Variants in KCNU1 observed in about 807,000 individuals in gnomAD.
The protein encoded by KCNU1 is potassium channel subfamily U member 1.
KCNU1 carries 93 observed loss-of-function variants against 126.8 expected under a neutral mutation model. That is an observed-to-expected ratio of 0.73 (90% CI 0.62 to 0.87). The LOEUF is 0.87. KCNU1 is among the 40% of genes least tolerant of loss of function. The pLI, the probability that KCNU1 is intolerant of heterozygous loss-of-function variation, is 0.00. For synonymous variants in KCNU1, 523 were observed against 494.2 expected, an observed-to-expected ratio of 1.06 and a Z score of -0.77; for missense variants, 1,330 against 1,367.1, an observed-to-expected ratio of 0.97 and a Z score of 0.43.
chr8:36,827,429 A>C (rs1225979771), intron 10 of KCNU1, among the ~76,000 whole-genome samples: 1 of 152,160 alleles, frequency 6.6e-6, no homozygotes, highest in Non-Finnish European at 1.5e-5. Context: ...ATGTTATCTC[A>C]GATTGGTAGC....
Position 36,851,387 on chromosome 8 carries a change from A to G in KCNU1, c.1891+5488A>G, listed in dbSNP as rs13278174. ...TGGCACTTCCCTTCTCTCTCTCTCT[A>G]TCTCTCTCTCTCTCTCTCTCTCTCT... On this transcript the variant is annotated intron_variant, in intron 18 of 26. Coordinates refer to ENST00000399881, the MANE Select transcript of KCNU1 (RefSeq NM_001031836.3). Among the ~76,000 whole-genome samples, 234 of 120,064 alleles carry G rather than the reference A, an allele frequency of 1.9e-3. 2 individuals carry two copies. The East Asian group carries it at 0.036, about 18-fold the overall frequency. 78.8% of individuals were successfully genotyped at this position (120,064 alleles called of 152,430 possible).
chr8:36,829,157 T>C (rs1325732381), intron 10 of KCNU1, among the ~76,000 whole-genome samples: 6 of 152,258 alleles, frequency 3.9e-5, no homozygotes, highest in African/African-American at 1.2e-4. Context: ...ATGTGTAATA[T>C]ATTATTTGCA....
intron 1 of KCNU1, among the ~76,000 whole-genome samples, chr8:36,785,669 C>A (rs1019803186): frequency 1.3e-5 from 2 of 152,160 alleles, no homozygotes; most frequent in African/African-American, 4.8e-5. Flanking sequence ...GGGATACTGA[C>A]ATATGGGTAA....
intron 18 of KCNU1, among the ~76,000 whole-genome samples, chr8:36,847,126 A>G (rs1366421374): frequency 2.0e-5 from 3 of 152,158 alleles, no homozygotes; most frequent in Admixed American, 6.5e-5. Context: ...GTCAGGCTCT[A>G]TCATTTGTTA....
intron 24 of KCNU1, chr8:36,929,021 A>T (rs1322244887): frequency 4.3e-6 from 3 of 699,786 alleles, no homozygotes; most frequent in Non-Finnish European, 7.8e-6. Context: ...TATTTTACTT[A>T]ATCCTGCAAG....
In KCNU1 at chr8:36,922,618, C is replaced by G; in HGVS notation, c.2725C>G (p.Leu909Val). ...TTTTTCCGGCAGCTTCTTGGATTCTCTGCTGGCCACGGTAAGAAAAGCTAA... is the reference window on the plus strand; with the variant it reads ...TTTTTCCGGCAGCTTCTTGGATTCTGTGCTGGCCACGGTAAGAAAAGCTAA... ...TVFSGSFLDS[L>V]LATAFYNYHV... The change falls in exon 24 of 27, where the codon CTG becomes GTG. Residue 909 changes from leucine (L) to valine (V), a missense_variant. Around this residue, in one of 3 missense-constraint regions of KCNU1, gnomAD observed 1,054 missense variants for 1,053.9 expected, o/e 1.00. Coordinates refer to ENST00000399881, the MANE Select transcript of KCNU1 (RefSeq NM_001031836.3). 2 of 1,613,188 alleles carry G rather than the reference C, an allele frequency of 1.2e-6. No homozygotes were observed. Among genetic ancestry groups the G allele is most frequent in the Non-Finnish European group, 1.7e-6 (2 of 1,179,534 alleles).
intron 18 of KCNU1, among the ~76,000 whole-genome samples, chr8:36,849,603 A>ACAAT (rs1585456879): frequency 6.6e-6 from 1 of 152,276 alleles, no homozygotes; most frequent in East Asian, 1.9e-4. Flanking sequence ...AAACAAACAA[A>ACAAT]CAAACAAAAC....
chr8:36,926,598 C>A (rs936899202), intron 24 of KCNU1, among the ~76,000 whole-genome samples: 3 of 152,162 alleles, frequency 2.0e-5, no homozygotes, highest in Admixed American at 6.5e-5. Context: ...GAATCCTATT[C>A]TTCTCTATTC....
intron 2 of KCNU1, among the ~76,000 whole-genome samples, chr8:36,789,885 G>T (rs1433575411): frequency 6.6e-6 from 1 of 152,216 alleles, no homozygotes; most frequent in Admixed American, 6.5e-5. Context: ...CCAGAAGGAG[G>T]CTCCTATGCT....
chr8:36,891,804 G>T (rs1806973928), intron 19 of KCNU1, among the ~76,000 whole-genome samples: 1 of 151,870 alleles, frequency 6.6e-6, no homozygotes. Context: ...GGCTTTCATG[G>T]TTTCTGATGA....
Position 36,808,863 on chromosome 8 carries a change from G to T in KCNU1, c.732+70G>T, listed in dbSNP as rs555018900. ...CATCCATTTTTTGAAAAATGGAAGG[G>T]AACCTGCTGAGCCCCTGTCTCCATC... On this transcript the variant is annotated intron_variant, in intron 7 of 26. Coordinates refer to ENST00000399881, the MANE Select transcript of KCNU1 (RefSeq NM_001031836.3). 4.7e-6 allele frequency: 5 copies of T among 1,068,558 alleles called. No individual in the cohort carries two copies. The East Asian group carries it at 1.0e-4, about 22-fold the overall frequency. 66.2% of individuals were successfully genotyped at this position (1,068,558 alleles called of 1,614,324 possible).
chr8:36,927,857 G>T (rs2117605478), intron 24 of KCNU1, among the ~76,000 whole-genome samples: 1 of 152,024 alleles, frequency 6.6e-6, no homozygotes, highest in East Asian at 1.9e-4. Flanking sequence ...TATTTCAAGT[G>T]CCCTTCAACT....
At chr8:36,856,879 G>A (rs545479386) in intron 18 of KCNU1, among the ~76,000 whole-genome samples, 9 of 152,294 alleles carry the variant, frequency 5.9e-5, no homozygotes, top group African/African-American at 2.2e-4. Flanking sequence ...TTGTTCTCAT[G>A]GAGTTACTAG....
intron 10 of KCNU1, among the ~76,000 whole-genome samples, chr8:36,830,551 T>A (rs1257590207): frequency 6.6e-6 from 1 of 152,096 alleles, no homozygotes; most frequent in African/African-American, 2.4e-5. Flanking sequence ...TTAGGAAGTA[T>A]TTCCTATTTT....
chr8:36,784,713 A>ACTCT, intron 1 of KCNU1, 108 bp downstream of exon 1: 2 of 886,634 alleles, frequency 2.3e-6, no homozygotes, highest in Non-Finnish European at 3.4e-6. Flanking sequence ...AAGCTAACAG[A>ACTCT]GTCAGCTTCT....
At chr8:36,813,475 A>C (rs1266937776) in intron 7 of KCNU1, among the ~76,000 whole-genome samples, 1 of 151,036 alleles carries the variant, frequency 6.6e-6, no homozygotes, top group African/African-American at 2.4e-5. Context: ...ATTATAAACT[A>C]TACATGTATA....
At chr8:36,814,068 T>C in intron 7 of KCNU1, 139 bp from the exon 8 acceptor site, 1 of 642,944 alleles carries the variant, frequency 1.6e-6, no homozygotes, top group Non-Finnish European at 2.7e-6. Flanking sequence ...TTATGTAAAC[T>C]CTTCATAGCA....
intron 19 of KCNU1, among the ~76,000 whole-genome samples, chr8:36,901,476 C>T (rs1003371542): frequency 1.3e-5 from 2 of 152,118 alleles, no homozygotes; most frequent in Non-Finnish European, 2.9e-5. Flanking sequence ...TCAAGTGACA[C>T]GTTCTGCTCA....
At chr8:36,786,929 C>A (rs1802729915) in intron 1 of KCNU1, among the ~76,000 whole-genome samples, 1 of 152,124 alleles carries the variant, frequency 6.6e-6, no homozygotes, top group Non-Finnish European at 1.5e-5. Flanking sequence ...AATTTGTAAT[C>A]TTTTTCTCTT....
Sources: allele counts gnomAD v4.1 joint callset (sites outside exome capture counted in the v4.1 genomes callset), GRCh38; gene constraint gnomAD v4.1.1; regional missense constraint gnomAD v4.1.1; transcripts MANE v1.5; gene names NCBI Gene and HGNC (gene_info 2026-07-23, HGNC 2026-07-21).